C12orf75: variants seen among roughly 807,000 people sequenced by gnomAD.
C12orf75 encodes the protein overexpressed in colon carcinoma 1 protein.
C12orf75 carries 4 observed loss-of-function variants against 11.4 expected under a neutral mutation model. The observed-to-expected ratio is 0.35, with a 90% confidence interval of 0.17 to 0.80. C12orf75 has a LOEUF of 0.80. Ranked by LOEUF, C12orf75 falls within the 30% of genes least tolerant of loss-of-function variation. The pLI is 0.52. For synonymous variants in C12orf75, 30 were observed against 30.0 expected, an observed-to-expected ratio of 1.00 and a Z score of 0.00; for missense variants, 89 against 80.4, an observed-to-expected ratio of 1.11 and a Z score of -0.41.
At position 105,365,684 on chromosome 12, in the gene C12orf75, G is replaced by A. The variant is rs1434440392; in HGVS notation, c.72-123G>A. On this transcript the variant is annotated intron_variant, in intron 2 of 5. Coordinates refer to ENST00000443585, the MANE Select transcript of C12orf75 (RefSeq NM_001145199.2). ...TGGATAGTTTTGCTCCTCTACTTAA[G>A]TCTGATGGAAACATTTGAAATAAAA... 4 of 713,834 alleles carry A rather than the reference G, an allele frequency of 5.6e-6. No homozygotes were observed. The African/African-American group carries it at 7.0e-5, about 13-fold the overall frequency. 44.2% of individuals were successfully genotyped at this position (713,834 alleles called of 1,614,324 possible).
intron 2 of C12orf75, among the ~76,000 whole-genome samples, chr12:105,349,386 G>C (rs1892682789): frequency 6.6e-6 from 1 of 152,244 alleles, no homozygotes; most frequent in Non-Finnish European, 1.5e-5. Flanking sequence ...GCTTTCTGGG[G>C]AGAGCAGGGC....
intron 3 of C12orf75, chr12:105,366,069 AT>A: frequency 1.9e-6 from 1 of 539,002 alleles, no homozygotes. Context: ...GCGTGTGCTA[AT>A]TTTCATCCTA....
intron 1 of C12orf75, among the ~76,000 whole-genome samples, chr12:105,338,529 G>T (rs1892524745): frequency 6.6e-6 from 1 of 152,124 alleles, no homozygotes; most frequent in Non-Finnish European, 1.5e-5. Flanking sequence ...TCATTTTTGT[G>T]TTGCTATAAA....
intron 1 of C12orf75, among the ~76,000 whole-genome samples, 181 bp from the exon 2 acceptor site, chr12:105,348,421 A>AC (rs1226146637): frequency 7.0e-6 from 1 of 143,232 alleles, no homozygotes; most frequent in African/African-American, 2.7e-5. Context: ...TCTGAAACAA[A>AC]AAAAAAAAAA....
chr12:105,341,777 C>G (rs1332680042), intron 1 of C12orf75, among the ~76,000 whole-genome samples: 2 of 152,220 alleles, frequency 1.3e-5, no homozygotes, highest in East Asian at 3.8e-4. Context: ...CCACCCAAAT[C>G]TCACCTTGAA....
intron 2 of C12orf75, among the ~76,000 whole-genome samples, chr12:105,360,988 C>T (rs926576850): frequency 3.3e-5 from 5 of 152,146 alleles, no homozygotes; most frequent in African/African-American, 1.2e-4. Flanking sequence ...GTTGGCCAGG[C>T]TGGTCTCGAA....
chr12:105,349,493 A>G (rs1419058225), intron 2 of C12orf75, among the ~76,000 whole-genome samples: 1 of 152,234 alleles, frequency 6.6e-6, no homozygotes, highest in African/African-American at 2.4e-5. Context: ...CTGCTGGCAC[A>G]GGGAAGAAGT....
At chr12:105,369,662 A>C (rs915586136) in intron 5 of C12orf75, among the ~76,000 whole-genome samples, 10 of 150,706 alleles carry the variant, frequency 6.6e-5, no homozygotes, top group Non-Finnish European at 8.9e-5. Flanking sequence ...CCCTGTGTCC[A>C]TGTATTCTCA....
chr12:105,360,212 C>T (rs1892842766), intron 2 of C12orf75, among the ~76,000 whole-genome samples: 2 of 152,224 alleles, frequency 1.3e-5, no homozygotes, highest in African/African-American at 4.8e-5. Context: ...GTGTTCTGCT[C>T]TCCCTCCCCA....
chr12:105,339,807 G>A lies in C12orf75; in HGVS notation c.47-8795G>A, dbSNP rs1016862700. Among the ~76,000 whole-genome samples, 9 of 151,718 alleles carry A rather than the reference G, an allele frequency of 5.9e-5. No individual in the cohort carries two copies. The South Asian group carries it at 6.2e-4, about 11-fold the overall frequency. ...AATTTTTTGTATTTTTAGTAGAGAC[G>A]GGGTTTCACTGTGTTAGCTAGCTAG... On this transcript the variant is annotated intron_variant, in intron 1 of 5. Transcript: ENST00000443585.
chr12:105,344,746 A>C (rs1453597801), intron 1 of C12orf75, among the ~76,000 whole-genome samples: 1 of 79,494 alleles, frequency 1.3e-5, no homozygotes, highest in Non-Finnish European at 3.0e-5. Context: ...ACTCTGTGTC[A>C]AAAAAAAAAA....
intron 1 of C12orf75, among the ~76,000 whole-genome samples, chr12:105,333,592 A>C (rs1361861126): frequency 6.6e-6 from 1 of 152,114 alleles, no homozygotes; most frequent in African/African-American, 2.4e-5. Flanking sequence ...AGTGAGCTTA[A>C]GCTTAGGTTT....
At chr12:105,348,533 A>C (rs879013441) in intron 1 of C12orf75, 69 bp from the exon 2 acceptor site, 119 of 1,005,200 alleles carry the variant, frequency 1.2e-4, no homozygotes, top group Middle Eastern at 7.1e-4. Flanking sequence ...TATTTTAATT[A>C]GGTATTAGAC....
At chr12:105,367,572 A>G (rs959508651) in intron 5 of C12orf75, 63 bp downstream of exon 5, 3 of 411,412 alleles carry the variant, frequency 7.3e-6, no homozygotes, top group South Asian at 9.2e-5. Context: ...GACTGTAGAT[A>G]TTATTTGCTC....
chr12:105,352,729 C>T (rs757077901), intron 2 of C12orf75, among the ~76,000 whole-genome samples: 1 of 152,060 alleles, frequency 6.6e-6, no homozygotes, highest in South Asian at 2.1e-4. Flanking sequence ...GGGTTTCTCT[C>T]TGGTGGTGGA....
chr12:105,344,596 G>A (rs932408857), intron 1 of C12orf75, among the ~76,000 whole-genome samples: 1 of 152,044 alleles, frequency 6.6e-6, no homozygotes, highest in Admixed American at 6.6e-5. Flanking sequence ...TACAAAAACA[G>A]TTAGCTGGGT....
chr12:105,336,522 C>T lies in C12orf75; in HGVS notation c.46+5585C>T, dbSNP rs752703863. On this transcript the variant is annotated intron_variant, in intron 1 of 5. Coordinates refer to ENST00000443585, the MANE Select transcript of C12orf75 (RefSeq NM_001145199.2). Reference sequence around the variant, plus strand: ...CTTGTTATCAGTATAGGGAAAGACACAGCTGGTGTAGAAGGAAGGCGTGAG... The same window carrying T: ...CTTGTTATCAGTATAGGGAAAGACATAGCTGGTGTAGAAGGAAGGCGTGAG... Among the ~76,000 whole-genome samples, 5 of 152,286 alleles carry T rather than the reference C, an allele frequency of 3.3e-5. No homozygotes were observed. The South Asian group carries it at 1.0e-3, about 32-fold the overall frequency.
intron 1 of C12orf75, among the ~76,000 whole-genome samples, chr12:105,345,868 T>C (rs1490076724): frequency 6.6e-6 from 1 of 151,896 alleles, no homozygotes; most frequent in Non-Finnish European, 1.5e-5. Context: ...TTCACCATGT[T>C]GGCCAGGCTG....
At chr12:105,358,786 G>A (rs527491144) in intron 2 of C12orf75, among the ~76,000 whole-genome samples, 1 of 152,276 alleles carries the variant, frequency 6.6e-6, no homozygotes, top group South Asian at 2.1e-4. Context: ...AGTGGCTCGT[G>A]TGCAACTAGA....
Sources: gnomAD v4.1 joint callset for allele counts (sites outside exome capture counted in the v4.1 genomes callset) on GRCh38, gnomAD v4.1.1 for gene constraint, MANE v1.5 for transcripts, NCBI Gene and HGNC (gene_info 2026-07-23, HGNC 2026-07-21) for gene names.